PDHA1: variants seen among roughly 807,000 people sequenced by gnomAD.
PDHA1 encodes pyruvate dehydrogenase E1 component subunit alpha, somatic form, mitochondrial.
Under a neutral mutation model 33.0 loss-of-function variants are expected in PDHA1, and 1 was observed. The ratio of observed to expected loss-of-function variants is 0.03; its 90% CI spans 0.01 to 0.14. The LOEUF is 0.14. PDHA1 is among the 10% of genes least tolerant of loss of function. PDHA1 has a pLI of 1.00. For missense variants in PDHA1, 168 were observed against 325.1 expected, an observed-to-expected ratio of 0.52 and a Z score of 3.72; for synonymous variants, 123 against 119.2, an observed-to-expected ratio of 1.03 and a Z score of -0.21.
chrX:19,352,999 T>C, intron 4 of PDHA1, 83 bp from the exon 5 acceptor site: 1 of 754,955 alleles, frequency 1.3e-6, no homozygotes, highest in Non-Finnish European at 2.1e-6. Context: ...TGGTTGAGCC[T>C]CAGAGTACAT....
chrX:19,360,777 TCCTGAGCC>T lies in PDHA1; in HGVS notation c.*1126_*1133del. Reference sequence around the variant, plus strand: ...AGCCTTGTCTTTGGTTTCTGAGGCCTCCTGAGCCCTTCTGTACTGGGAGACCGCACTCC... The same window carrying T: ...AGCCTTGTCTTTGGTTTCTGAGGCCTCTTCTGTACTGGGAGACCGCACTCC... On this transcript the variant is annotated 3_prime_UTR_variant, in exon 11 of 11. Coordinates refer to ENST00000422285, the MANE Select transcript of PDHA1 (RefSeq NM_000284.4). 1 of 1,209,703 alleles carries T rather than the reference TCCTGAGCC, an allele frequency of 8.3e-7. No individual in the cohort carries two copies. The highest frequency in any genetic ancestry group is 1.1e-6 in the Non-Finnish European group (1 of 894,587).
At chrX:19,353,562 C>T (rs2063176632) in intron 5 of PDHA1, among the ~76,000 whole-genome samples, 1 of 111,590 alleles carries the variant, frequency 9.0e-6, no homozygotes, top group Admixed American at 9.6e-5. Context: ...ATGACAAAAT[C>T]GCCTAGTGAT....
intron 1 of PDHA1, among the ~76,000 whole-genome samples, chrX:19,345,512 G>T (rs975620197): frequency 1.0e-5 from 1 of 98,083 alleles, no homozygotes; most frequent in Non-Finnish European, 2.0e-5. Flanking sequence ...GGAGTTTGCA[G>T]TGAGCGGAGA....
rs1182226335 is a variant in PDHA1 at position 19,359,689 on chromosome X, T to G, written c.*36T>G. 1 of 1,135,656 alleles carries G rather than the reference T, an allele frequency of 8.8e-7. No homozygotes were observed. Among genetic ancestry groups the G allele is most frequent in the South Asian group, 1.8e-5 (1 of 55,190 alleles). The allele number at this position is 1,135,656 out of a possible 1,213,427, so 93.6% of individuals were successfully genotyped here. ...AGGAGAGGTTATACCTTCAGGGGGCTACCAGACAGTGTTCTCAACTTGGTT... is the reference window on the plus strand; with the variant it reads ...AGGAGAGGTTATACCTTCAGGGGGCGACCAGACAGTGTTCTCAACTTGGTT... On this transcript the variant is annotated 3_prime_UTR_variant, in exon 11 of 11. Coordinates refer to ENST00000422285, the MANE Select transcript of PDHA1 (RefSeq NM_000284.4).
At chrX:19,355,872 T>C in intron 8 of PDHA1, 115 bp downstream of exon 8, 1 of 584,076 alleles carries the variant, frequency 1.7e-6, no homozygotes, top group Admixed American at 2.5e-5. Context: ...GTGCATGAGA[T>C]GGAAGCAGAG....
At chrX:19,351,881 C>T (rs1437301346) in intron 4 of PDHA1, among the ~76,000 whole-genome samples, 3 of 103,308 alleles carry the variant, frequency 2.9e-5, no homozygotes, top group Non-Finnish European at 5.8e-5. Flanking sequence ...TCACTGCAAC[C>T]TCCACCTCCC....
chrX:19,360,016 G>A lies in PDHA1; in HGVS notation c.*363G>A, dbSNP rs372658162. On this transcript the variant is annotated 3_prime_UTR_variant, in exon 11 of 11. Transcript: ENST00000422285. ...TTCTACCAACCATAGCACCCACCCC[G>A]AGCAGCGCTGGTGCTGCAGCCTGTT... 54 of 262,379 alleles carry A rather than the reference G, an allele frequency of 2.1e-4. No homozygotes were observed. Among genetic ancestry groups the A allele is most frequent in the African/African-American group, 1.5e-3 (48 of 32,062 alleles). The allele number at this position is 262,379 out of a possible 1,213,427, so 21.6% of individuals were successfully genotyped here. A position where few individuals can be genotyped will look rare whatever the true frequency, so the allele number is the denominator to read the frequency against.
intron 3 of PDHA1, 144 bp from the exon 4 acceptor site, chrX:19,351,137 C>T (rs1364125801): frequency 3.1e-5 from 18 of 577,333 alleles, no homozygotes; most frequent in Non-Finnish European, 4.8e-5. Flanking sequence ...GCCTTCCACT[C>T]TGTATTTTGG....
chrX:19,344,746 C>T (rs779901404), intron 1 of PDHA1, among the ~76,000 whole-genome samples: 2 of 112,926 alleles, frequency 1.8e-5, no homozygotes, highest in East Asian at 2.8e-4. Context: ...CGTGTGGAAA[C>T]GATTCCAAAT....
At chrX:19,352,818 G>A (rs1376858667) in intron 4 of PDHA1, 2 of 404,422 alleles carry the variant, frequency 4.9e-6, no homozygotes, top group Non-Finnish European at 8.7e-6. Context: ...AGAAAACCCA[G>A]AAAAGTCCAG....
Position 19,355,672 on chromosome X carries a change from C to G in PDHA1, c.760-14C>G. 1 of 1,196,958 alleles carries G rather than the reference C, an allele frequency of 8.4e-7. No homozygotes were observed. The highest frequency in any genetic ancestry group is 1.1e-6 in the Non-Finnish European group (1 of 882,603). On this transcript the variant is annotated splice_polypyrimidine_tract_variant and intron_variant, in intron 7 of 10. Coordinates refer to ENST00000422285, the MANE Select transcript of PDHA1 (RefSeq NM_000284.4). ...GTTGGATTCATGCTTCGCCCCTCCC[C>G]TGTTTATTACCAGGTGGATGGAATG...
Position 19,361,431 on chromosome X carries a change from G to A in PDHA1, c.*1778G>A, listed in dbSNP as rs779022123. 1.7e-6 allele frequency: 2 copies of A among 1,195,808 alleles called. No individual in the cohort carries two copies. Among genetic ancestry groups the A allele is most frequent in the Non-Finnish European group, 2.3e-6 (2 of 881,592 alleles). ...CTTCAACAATCTGAAACAAAGATCAGATCCTTAAGAGCTGAGCAGCTGTGT... is the reference window on the plus strand; with the variant it reads ...CTTCAACAATCTGAAACAAAGATCAAATCCTTAAGAGCTGAGCAGCTGTGT... On this transcript the variant is annotated 3_prime_UTR_variant, in exon 11 of 11. Transcript: ENST00000422285.
chrX:19,358,448 G>C (rs2063222076), intron 9 of PDHA1, among the ~76,000 whole-genome samples: 1 of 111,487 alleles, frequency 9.0e-6, no homozygotes, highest in Non-Finnish European at 1.9e-5. Flanking sequence ...AAGGGAGAAA[G>C]GCAAGGCACA....
In PDHA1 at chrX:19,360,850, GCTGT is replaced by G. The variant is rs755834416; in HGVS notation, c.*1200_*1203del. The G allele has an allele frequency of 1.7e-6, 2 of 1,154,193 alleles. No individual in the cohort carries two copies. The highest frequency in any genetic ancestry group is 3.7e-5 in the South Asian group (2 of 53,471). On this transcript the variant is annotated 3_prime_UTR_variant, in exon 11 of 11. Coordinates refer to ENST00000422285, the MANE Select transcript of PDHA1 (RefSeq NM_000284.4). ...AGACCACCCCTGGGAAACAAACACA[GCTGT>G]CTTCAGAGTCAGTGCTTCAAGCCAA...
At position 19,355,968 on chromosome X, in the gene PDHA1, C is replaced by T. The variant is rs12353763; in HGVS notation, c.831+211C>T. ...ACGTTTCTCTCATTTGGGGGAAGTC[C>T]GTTCTGGTGCTTCCTCTGCTTTGGC... On this transcript the variant is annotated intron_variant, in intron 8 of 10. Coordinates refer to ENST00000422285, the MANE Select transcript of PDHA1 (RefSeq NM_000284.4). Among the ~76,000 whole-genome samples, 24,051 of 111,108 alleles carry T rather than the reference C, an allele frequency of 0.22. 5,016 individuals carry two copies. Among genetic ancestry groups the T allele is most frequent in the African/African-American group, 0.66 (19,884 of 30,281 alleles).
At chrX:19,357,448 A>C (rs768144867) in intron 8 of PDHA1, 3 of 465,441 alleles carry the variant, frequency 6.4e-6, no homozygotes, top group Admixed American at 6.5e-5. Context: ...CTTATTAAAA[A>C]TGAGAAAGAT....
intron 2 of PDHA1, among the ~76,000 whole-genome samples, chrX:19,349,612 A>G (rs1161785273): frequency 2.7e-5 from 3 of 112,140 alleles, no homozygotes; most frequent in African/African-American, 9.7e-5. Context: ...AGCTTATTCA[A>G]AAGTTTGGAA....
intron 4 of PDHA1, among the ~76,000 whole-genome samples, chrX:19,352,032 C>T (rs2063166686): frequency 9.1e-6 from 1 of 109,834 alleles, no homozygotes; most frequent in South Asian, 3.9e-4. Flanking sequence ...CTCCTGACCT[C>T]AGGTGATCCA....
At position 19,360,787 on chromosome X, in the gene PDHA1, T is replaced by C; in HGVS notation, c.*1134T>C. The C allele has an allele frequency of 8.3e-7, 1 of 1,210,073 alleles. No individual in the cohort carries two copies. Among genetic ancestry groups the C allele is most frequent in the Non-Finnish European group, 1.1e-6 (1 of 894,709 alleles). ...TTGGTTTCTGAGGCCTCCTGAGCCC[T>C]TCTGTACTGGGAGACCGCACTCCAG... On this transcript the variant is annotated 3_prime_UTR_variant, in exon 11 of 11. Coordinates refer to ENST00000422285, the MANE Select transcript of PDHA1 (RefSeq NM_000284.4).
Sources: gnomAD v4.1 joint callset for allele counts (sites outside exome capture counted in the v4.1 genomes callset) on GRCh38, gnomAD v4.1.1 for gene constraint, MANE v1.5 for transcripts, NCBI Gene and HGNC (gene_info 2026-07-23, HGNC 2026-07-21) for gene names.